Variants in NDST4 observed in about 807,000 individuals in gnomAD.
NDST4 encodes the protein N-deacetylase and N-sulfotransferase 4.
Under a neutral mutation model 100.8 loss-of-function variants are expected in NDST4, and 63 were observed. The observed-to-expected ratio is 0.62, with a 90% CI of 0.51 to 0.77. The LOEUF is 0.77. Ranked by LOEUF, NDST4 falls within the 30% of genes least tolerant of loss-of-function variation. The probability of loss-of-function intolerance (pLI) is 0.00; values close to 1 mark genes in which losing one functional copy is unlikely to be tolerated. For missense variants in NDST4, 943 were observed against 1,018.4 expected (o/e 0.93, Z 1.01); for synonymous variants, 377 against 361.8 (o/e 1.04, Z -0.48).
chr4:115,088,121 T>C (rs1466902017), intron 1 of NDST4, among the ~76,000 whole-genome samples: 1 of 151,944 alleles, frequency 6.6e-6, no homozygotes, highest in Non-Finnish European at 1.5e-5. Flanking sequence ...TCAATAACTT[T>C]CTAAGCCACA....
intron 6 of NDST4, among the ~76,000 whole-genome samples, chr4:114,890,497 A>G (rs1420932176): frequency 5.3e-5 from 8 of 152,122 alleles, no homozygotes; most frequent in Admixed American, 5.3e-4. Context: ...TGTCATTATC[A>G]ATAATATTTT....
chr4:114,836,023 T>A (rs539795153), intron 11 of NDST4, among the ~76,000 whole-genome samples: 119 of 152,336 alleles, frequency 7.8e-4, no homozygotes, highest in African/African-American at 2.3e-3. Context: ...GTGAGATGGG[T>A]CTCCTGAATA....
intron 2 of NDST4, among the ~76,000 whole-genome samples, chr4:114,988,667 C>A (rs1169449193): frequency 6.6e-6 from 1 of 151,910 alleles, no homozygotes; most frequent in Non-Finnish European, 1.5e-5. Context: ...GGCCTACATA[C>A]GTCTTTAAAT....
At chr4:115,060,595 T>C (rs1317323454) in intron 2 of NDST4, among the ~76,000 whole-genome samples, 1 of 151,996 alleles carries the variant, frequency 6.6e-6, no homozygotes, top group African/African-American at 2.4e-5. Flanking sequence ...ATGTCATGAA[T>C]GCAAGGAGTA....
At chr4:114,938,274 C>G (rs1027711256) in intron 4 of NDST4, among the ~76,000 whole-genome samples, 2 of 152,102 alleles carry the variant, frequency 1.3e-5, no homozygotes, top group African/African-American at 4.8e-5. Flanking sequence ...AGATTTTCTC[C>G]TTGGTTTTGA....
At chr4:115,012,830 C>A (rs569472375) in intron 2 of NDST4, among the ~76,000 whole-genome samples, 216 of 151,958 alleles carry the variant, frequency 1.4e-3, no homozygotes, top group African/African-American at 5.0e-3. Flanking sequence ...CAATGTGGTA[C>A]ATAATTTTAA....
intron 6 of NDST4, among the ~76,000 whole-genome samples, chr4:114,906,624 T>C (rs1290572759): frequency 6.6e-6 from 1 of 152,026 alleles, no homozygotes; most frequent in African/African-American, 2.4e-5. Flanking sequence ...CCATGAACCA[T>C]CTTTTTTACC....
chr4:114,854,979 G>T (rs1195454479), intron 7 of NDST4, among the ~76,000 whole-genome samples: 4 of 152,138 alleles, frequency 2.6e-5, no homozygotes. Context: ...TGTCTTAACT[G>T]GGGTGAGATG....
intron 4 of NDST4, among the ~76,000 whole-genome samples, chr4:114,963,843 G>A (rs1304790505): frequency 6.6e-6 from 1 of 152,172 alleles, no homozygotes; most frequent in South Asian, 2.1e-4. Flanking sequence ...TAGTAAGTGT[G>A]AGTTATATCA....
At chr4:114,873,562 T>C (rs1178967220) in intron 6 of NDST4, among the ~76,000 whole-genome samples, 1 of 152,006 alleles carries the variant, frequency 6.6e-6, no homozygotes, top group African/African-American at 2.4e-5. Flanking sequence ...CTCTCACTCT[T>C]GAATTCTTTT....
intron 3 of NDST4, among the ~76,000 whole-genome samples, chr4:114,972,508 T>A (rs1478170762): frequency 6.6e-6 from 1 of 152,010 alleles, no homozygotes; most frequent in Admixed American, 6.6e-5. Flanking sequence ...TATTACTGAC[T>A]CATAATTCAT....
chr4:114,896,659 C>T (rs1186571304), intron 6 of NDST4, among the ~76,000 whole-genome samples: 1 of 151,244 alleles, frequency 6.6e-6, no homozygotes, highest in Non-Finnish European at 1.5e-5. Context: ...GGGTAAAATA[C>T]TGCATTTTAG....
chr4:115,074,842 C>T (rs1729147484), intron 2 of NDST4, among the ~76,000 whole-genome samples: 2 of 152,132 alleles, frequency 1.3e-5, no homozygotes, highest in Admixed American at 1.3e-4. Flanking sequence ...CATCTTAACA[C>T]TCTTTGATTC....
At chr4:115,048,765 G>A (rs1394430294) in intron 2 of NDST4, among the ~76,000 whole-genome samples, 1 of 152,070 alleles carries the variant, frequency 6.6e-6, no homozygotes, top group Non-Finnish European at 1.5e-5. Context: ...AGCCTCCAGA[G>A]TAGCTGGGAT....
At chr4:114,973,458 C>G in intron 3 of NDST4, among the ~76,000 whole-genome samples, 1 of 151,814 alleles carries the variant, frequency 6.6e-6, no homozygotes, top group South Asian at 2.1e-4. Flanking sequence ...TCAAATTAAA[C>G]CTTTCACTTC....
intron 2 of NDST4, among the ~76,000 whole-genome samples, chr4:114,999,618 A>G (rs1727241153): frequency 6.6e-6 from 1 of 152,124 alleles, no homozygotes; most frequent in Non-Finnish European, 1.5e-5. Flanking sequence ...CTGTAAATAA[A>G]TAATAGCATT....
rs191291605 is a variant in NDST4 at position 115,018,206 on chromosome 4, G to C, written c.979-40932C>G. On this transcript the variant is annotated intron_variant, in intron 2 of 13. Transcript: ENST00000264363. ...CAAAAGTACAAATGAAAGCCATTGA[G>C]AACAAAAAACAAATTCACTCTGAAT... is the stretch of plus-strand genomic sequence containing the variant. Among the ~76,000 whole-genome samples the C allele has an allele frequency of 7.0e-4, 107 of 151,862 alleles. 2 individuals carry two copies. In the East Asian group the frequency reaches 0.019, roughly 27 times the overall value.
intron 6 of NDST4, among the ~76,000 whole-genome samples, chr4:114,891,470 A>C (rs1394072870): frequency 6.6e-6 from 1 of 152,060 alleles, no homozygotes; most frequent in East Asian, 1.9e-4. Flanking sequence ...CCAGTTCAGA[A>C]TCTTTGTTTT....
intron 1 of NDST4, among the ~76,000 whole-genome samples, chr4:115,106,216 G>A (rs1729830898): frequency 6.6e-6 from 1 of 152,016 alleles, no homozygotes; most frequent in Non-Finnish European, 1.5e-5. Flanking sequence ...ATGATGAACA[G>A]GCCAAATAAT....
Sources: allele counts gnomAD v4.1 joint callset (sites outside exome capture counted in the v4.1 genomes callset), GRCh38; gene constraint gnomAD v4.1.1; transcripts MANE v1.5; gene names NCBI Gene and HGNC (gene_info 2026-07-23, HGNC 2026-07-21).